The following DTNA variants were observed in gnomAD, a reference collection of about 807,000 sequenced individuals.
DTNA encodes dystrobrevin alpha.
DTNA carries 43 observed loss-of-function variants against 100.7 expected under a neutral mutation model. That is an observed-to-expected ratio of 0.43 (90% confidence interval 0.33 to 0.55). DTNA has a LOEUF of 0.55. DTNA is among the 20% of genes least tolerant of loss of function. The pLI, the probability that DTNA is intolerant of heterozygous loss-of-function variation, is 0.04. For missense variants in DTNA, 798 were observed against 953.9 expected, an observed-to-expected ratio of 0.84 and a Z score of 2.15; for synonymous variants, 349 against 347.9, an observed-to-expected ratio of 1.00 and a Z score of -0.04.
chr18:34,546,413 A>G (rs1336075713), intron 1 of DTNA, among the ~76,000 whole-genome samples: 1 of 152,106 alleles, frequency 6.6e-6, no homozygotes, highest in Non-Finnish European at 1.5e-5. Flanking sequence ...TGAATTAATC[A>G]TGCCTCTTTA....
intron 1 of DTNA, among the ~76,000 whole-genome samples, chr18:34,624,146 A>G (rs1033204560): frequency 1.3e-5 from 2 of 151,600 alleles, no homozygotes; most frequent in Admixed American, 6.6e-5. Context: ...TCAAAAAAGC[A>G]AAAAAAATAC....
intron 3 of DTNA, among the ~76,000 whole-genome samples, chr18:34,767,388 T>G (rs1444668993): frequency 6.6e-6 from 1 of 152,142 alleles, no homozygotes. Context: ...CTACATCTTA[T>G]TCCCCAGCCC....
At chr18:34,619,587 C>T (rs1359601301) in intron 1 of DTNA, among the ~76,000 whole-genome samples, 1 of 152,086 alleles carries the variant, frequency 6.6e-6, no homozygotes, top group African/African-American at 2.4e-5. Flanking sequence ...GAGGAAAAGA[C>T]ATATCAAGGA....
intron 1 of DTNA, among the ~76,000 whole-genome samples, chr18:34,669,896 T>C (rs2076502442): frequency 6.6e-6 from 1 of 152,186 alleles, no homozygotes; most frequent in Middle Eastern, 3.2e-3. Context: ...AATCTGACAA[T>C]TATGTATCTT....
chr18:34,815,980 G>A lies in DTNA; in HGVS notation c.675G>A (p.Leu225=), dbSNP rs376519672. 52 of 1,613,704 alleles carry A rather than the reference G, an allele frequency of 3.2e-5. 1 individual carries two copies. Among genetic ancestry groups the A allele is most frequent in the Admixed American group, 3.3e-5 (2 of 59,984 alleles). Residue 225 remains leucine, a synonymous_variant, in exon 7 of 23, where the codon TTG becomes TTA. Transcript: ENST00000444659. ...SDPPPQCLVW[L]PLLHRLANVE... is the part of the protein sequence containing the mutation. Reference sequence around the variant, plus strand: ...CTCCCCCGCAGTGTCTGGTCTGGTTGCCTCTTCTGCATCGACTAGCAAATG... The same window carrying A: ...CTCCCCCGCAGTGTCTGGTCTGGTTACCTCTTCTGCATCGACTAGCAAATG...
intron 1 of DTNA, among the ~76,000 whole-genome samples, chr18:34,653,397 G>A (rs1324714991): frequency 6.6e-6 from 1 of 151,922 alleles, no homozygotes; most frequent in Non-Finnish European, 1.5e-5. Context: ...GATTCATAGT[G>A]ACTACTAGAA....
intron 1 of DTNA, among the ~76,000 whole-genome samples, chr18:34,579,097 C>T (rs564529326): frequency 2.0e-5 from 3 of 152,084 alleles, no homozygotes; most frequent in Non-Finnish European, 4.4e-5. Flanking sequence ...AGATTGCACA[C>T]ATGCATCTTT....
chr18:34,757,819 A>T (rs2092882952), intron 2 of DTNA, among the ~76,000 whole-genome samples: 1 of 152,204 alleles, frequency 6.6e-6, no homozygotes, highest in African/African-American at 2.4e-5. Flanking sequence ...TTGCAGCTTT[A>T]TTAGTTCTGT....
intron 1 of DTNA, among the ~76,000 whole-genome samples, chr18:34,740,440 T>C (rs1317619964): frequency 2.6e-5 from 4 of 152,176 alleles, no homozygotes; most frequent in Non-Finnish European, 5.9e-5. Context: ...GGGACACTTC[T>C]TTCCATAAAT....
chr18:34,839,263 C>A (rs932271540), intron 13 of DTNA, among the ~76,000 whole-genome samples: 3 of 152,090 alleles, frequency 2.0e-5, no homozygotes, highest in Non-Finnish European at 4.4e-5. Context: ...AGAGAAAATG[C>A]GATGTGATTG....
At chr18:34,707,981 A>T (rs2082326906), upstream of DTNA, among the ~76,000 whole-genome samples, 1 of 152,080 alleles carries the variant, frequency 6.6e-6, no homozygotes, top group Non-Finnish European at 1.5e-5. Context: ...TTTCTTTCTT[A>T]CTTACTTTTT....
intron 1 of DTNA, among the ~76,000 whole-genome samples, chr18:34,649,005 C>A (rs2060152139): frequency 6.6e-6 from 1 of 152,120 alleles, no homozygotes; most frequent in African/African-American, 2.4e-5. Flanking sequence ...TTCAAATATT[C>A]TAATAGTGTT....
chr18:34,880,497 G>T lies in DTNA; in HGVS notation c.2162+778G>T, dbSNP rs188249042. On this transcript the variant is annotated intron_variant, in intron 20 of 22. Transcript: ENST00000444659. Reference sequence around the variant, plus strand: ...TGGTTCATGGAGTTATGGGAAATGTGGGCAAAGGCTGACCCAAAAGCTGGG... The same window carrying T: ...TGGTTCATGGAGTTATGGGAAATGTTGGCAAAGGCTGACCCAAAAGCTGGG... 1.2e-4 allele frequency among the ~76,000 whole-genome samples: 18 copies of T among 152,312 alleles called. No homozygotes were observed. The East Asian group carries it at 3.5e-3, about 29-fold the overall frequency.
intron 1 of DTNA, among the ~76,000 whole-genome samples, chr18:34,715,408 C>T (rs1467061622): frequency 2.0e-5 from 3 of 151,856 alleles, no homozygotes; most frequent in East Asian, 1.9e-4. Context: ...ATAATAATTC[C>T]CCACTCTCAA....
rs117078076 is a variant in DTNA, at chr18:34,821,431, G to C, written c.1001+516G>C. 3.7e-4 allele frequency: 166 copies of C among 451,596 alleles called. 1 individual carries two copies. The highest frequency in any genetic ancestry group is 2.6e-3 in the African/African-American group (132 of 50,136). 28.0% of individuals were successfully genotyped at this position (451,596 alleles called of 1,614,324 possible). A position where few individuals can be genotyped will look rare whatever the true frequency, so the allele number is the denominator to read the frequency against. ...GGGAAGGTTGAAGAGGGGGAGTGGC[G>C]GGAAAATTTATCAGAATATCCATAG... On this transcript the variant is annotated intron_variant, in intron 9 of 22. Coordinates refer to ENST00000444659, the MANE Select transcript of DTNA (RefSeq NM_001386795.1).
chr18:34,700,875 C>A (rs1301996226), intron 1 of DTNA, among the ~76,000 whole-genome samples: 1 of 152,206 alleles, frequency 6.6e-6, no homozygotes, highest in Non-Finnish European at 1.5e-5. Flanking sequence ...TAGATAGACT[C>A]CCTCTTCCTT....
chr18:34,890,426 T>C lies in DTNA; in HGVS notation c.*2692T>C. Reference sequence around the variant, plus strand: ...TTCCTTGGCTCTCCAGATTTACTTTTGGGGCCTGTTCTAAGTGCAAACCCA... The same window carrying C: ...TTCCTTGGCTCTCCAGATTTACTTTCGGGGCCTGTTCTAAGTGCAAACCCA... On this transcript the variant is annotated 3_prime_UTR_variant, in exon 23 of 23. Transcript: ENST00000444659. 15 of 1,536,150 alleles carry C rather than the reference T, an allele frequency of 9.8e-6. No homozygotes were observed. The highest frequency in any genetic ancestry group is 1.3e-5 in the Non-Finnish European group (15 of 1,146,908).
In DTNA at chr18:34,636,771, C is replaced by G. The variant is rs555363984; in HGVS notation, c.-1-119205C>G. ...TGTTTTGTCTTATTTTAAAGCATCT[C>G]CCTTCTGACCTACAGCTTTTAGGTC... On this transcript the variant is annotated intron_variant, in intron 1 of 19. Transcript: ENST00000283365. Among the ~76,000 whole-genome samples, 29 of 152,252 alleles carry G rather than the reference C, an allele frequency of 1.9e-4. No individual in the cohort carries two copies. The South Asian group carries it at 6.0e-3, about 32-fold the overall frequency.
intron 13 of DTNA, among the ~76,000 whole-genome samples, chr18:34,844,098 C>T (rs1466835248): frequency 6.6e-6 from 1 of 152,074 alleles, no homozygotes; most frequent in African/African-American, 2.4e-5. Flanking sequence ...AAGACTGTCA[C>T]ATCAGGAACA....
Sources: allele counts gnomAD v4.1 joint callset (sites outside exome capture counted in the v4.1 genomes callset), GRCh38; gene constraint gnomAD v4.1.1; transcripts MANE v1.5; gene names NCBI Gene and HGNC (gene_info 2026-07-23, HGNC 2026-07-21).